The following FMN1 variants were observed in gnomAD, a reference collection of about 807,000 sequenced individuals.
FMN1 encodes formin 1.
A neutral mutation model predicts 132.4 loss-of-function variants in FMN1; 110 were observed. That is an observed-to-expected ratio of 0.83 (90% CI 0.71 to 0.97). FMN1 has a LOEUF of 0.97. Ranked by LOEUF, FMN1 falls within the 50% of genes least tolerant of loss-of-function variation. FMN1 has a pLI of 0.00. For missense variants in FMN1, 1,792 were observed against 1,705.3 expected (o/e 1.05, Z -0.90); for synonymous variants, 722 against 651.7 (o/e 1.11, Z -1.64).
rs1431512435 is a variant in FMN1 at position 33,153,862 on chromosome 15, C to T, written c.1053G>A (p.Lys351=). ...CTGCTGGGCGAATGGCAATCGTCTC[C>T]TTACCCTTAGAATGCGTTTTAACTA... ...QRVVKTHSKG[K]ETIAIRPAAH... The change falls in exon 4 of 21, where the codon AAG becomes AAA. Residue 351 remains lysine (K), a synonymous_variant. Coordinates refer to ENST00000616417, the MANE Select transcript of FMN1 (RefSeq NM_001277313.2). 1 of 1,536,656 alleles carries T rather than the reference C, an allele frequency of 6.5e-7. No homozygotes were observed. The highest frequency in any genetic ancestry group is 8.7e-7 in the Non-Finnish European group (1 of 1,147,066).
chr15:33,048,644 A>AAAAAAAAACAAAAAC lies in FMN1; in HGVS notation c.2161+16312_2161+16313insGTTTTTGTTTTTTTT. ...TGGGCAATTTACCAAAAAAAAAAAA[A>AAAAAAAAACAAAAAC]AAAAACCAACAGTTTAATGGACTTA... On this transcript the variant is annotated intron_variant, in intron 6 of 20. Coordinates refer to ENST00000616417, the MANE Select transcript of FMN1 (RefSeq NM_001277313.2). Among the ~76,000 whole-genome samples, 10 of 86,950 alleles carry AAAAAAAAACAAAAAC rather than the reference A, an allele frequency of 1.2e-4. 1 individual carries two copies. The highest frequency in any genetic ancestry group is 3.1e-4 in the South Asian group (1 of 3,248). The allele number at this position is 86,950 out of a possible 152,430, so 57.0% of individuals were successfully genotyped here.
At position 32,949,940 on chromosome 15, in the gene FMN1, C is replaced by CATATAT. The variant is rs373896522; in HGVS notation, c.3138+14161_3138+14166dup. Among the ~76,000 whole-genome samples, 106 of 31,770 alleles carry CATATAT rather than the reference C, an allele frequency of 3.3e-3. 1 individual carries two copies. Among genetic ancestry groups the CATATAT allele is most frequent in the African/African-American group, 4.1e-3 (46 of 11,124 alleles). 20.8% of individuals were successfully genotyped at this position (31,770 alleles called of 152,430 possible). ...AAAAGACATGCATGAGGCCAAAAAG[C>CATATAT]ATATATATATATATATATATATATA... On this transcript the variant is annotated intron_variant, in intron 9 of 20. Transcript: ENST00000616417.
At chr15:32,823,308 C>T (rs1437363872) in intron 17 of FMN1, among the ~76,000 whole-genome samples, 2 of 151,796 alleles carry the variant, frequency 1.3e-5, no homozygotes, top group African/African-American at 4.8e-5. Flanking sequence ...ACTACAGGCA[C>T]CCACCACCAT....
At chr15:33,162,043 G>A (rs916833085) in intron 3 of FMN1, among the ~76,000 whole-genome samples, 8 of 151,500 alleles carry the variant, frequency 5.3e-5, no homozygotes, top group Non-Finnish European at 1.0e-4. Context: ...ATAGGGTCTC[G>A]CTCTGTCACC....
intron 19 of FMN1, among the ~76,000 whole-genome samples, chr15:32,782,589 G>A (rs59853438): frequency 0.012 from 1,814 of 152,320 alleles, 34 homozygotes; most frequent in African/African-American, 0.041. Flanking sequence ...GAGGTTATGT[G>A]ACTTTGTCCC....
At chr15:33,009,284 C>T (rs916760660) in intron 6 of FMN1, among the ~76,000 whole-genome samples, 3 of 152,272 alleles carry the variant, frequency 2.0e-5, no homozygotes, top group Middle Eastern at 3.4e-3. Flanking sequence ...TGGTAGGGTG[C>T]CTGCTTCTAC....
intron 6 of FMN1, chr15:33,012,072 C>T (rs1452464267): frequency 2.0e-5 from 7 of 349,096 alleles, no homozygotes; most frequent in Non-Finnish European, 3.2e-5. Flanking sequence ...AGCAACCTGT[C>T]AGTGGACAGC....
intron 15 of FMN1, among the ~76,000 whole-genome samples, chr15:32,898,236 C>T (rs934481429): frequency 1.3e-5 from 2 of 152,214 alleles, no homozygotes; most frequent in Non-Finnish European, 2.9e-5. Flanking sequence ...ATATCGATTG[C>T]TATATTTCTT....
intron 6 of FMN1, among the ~76,000 whole-genome samples, chr15:33,040,363 TC>T (rs1348971868): frequency 6.6e-6 from 1 of 152,186 alleles, no homozygotes; most frequent in Non-Finnish European, 1.5e-5. Flanking sequence ...TTGTAAACAT[TC>T]CACCTCTCCC....
Position 33,153,092 on chromosome 15 carries a change from C to T in FMN1, c.1823G>A (p.Gly608Glu), listed in dbSNP as rs1321210517. ...VPGETLEKSL[G>E]PGKTTAEPQH... is the part of the protein sequence containing the mutation. Reference sequence around the variant, plus strand: ...GGGCTCAGCTGTGGTCTTCCCTGGCCCCAAGCTCTTTTCCAAAGTTTCCCC... The same window carrying T: ...GGGCTCAGCTGTGGTCTTCCCTGGCTCCAAGCTCTTTTCCAAAGTTTCCCC... Residue 608 changes from glycine (G) to glutamate (E), a missense_variant, in exon 4 of 21, where the codon GGG becomes GAG. By Grantham distance (98) the Gly-to-Glu change is moderately conservative (BLOSUM62 -2). This residue lies in a region of FMN1 where 1,150 missense variants were observed against 1,043.1 expected (regional missense o/e 1.10). Transcript: ENST00000616417. 6 of 1,535,704 alleles carry T rather than the reference C, an allele frequency of 3.9e-6. No individual in the cohort carries two copies. The highest frequency in any genetic ancestry group is 1.2e-5 in the South Asian group (1 of 83,984).
chr15:32,969,720 T>C (rs1015466222), intron 7 of FMN1, among the ~76,000 whole-genome samples: 2 of 152,218 alleles, frequency 1.3e-5, no homozygotes, highest in African/African-American at 4.8e-5. Flanking sequence ...GAGATAATTT[T>C]CATGGATTAA....
chr15:32,820,958 T>A (rs1473164987), intron 17 of FMN1, among the ~76,000 whole-genome samples: 19 of 152,040 alleles, frequency 1.2e-4, no homozygotes, highest in Admixed American at 1.2e-3. Context: ...TCTCGTCTAC[T>A]CCCAAGGTAA....
intron 7 of FMN1, among the ~76,000 whole-genome samples, chr15:32,982,735 A>C (rs2032777776): frequency 6.6e-6 from 1 of 152,144 alleles, no homozygotes; most frequent in African/African-American, 2.4e-5. Flanking sequence ...CCTCCTGCCC[A>C]GTGGCCTTCG....
At chr15:33,072,152 C>CA (rs2038024039) in intron 5 of FMN1, among the ~76,000 whole-genome samples, 2 of 152,242 alleles carry the variant, frequency 1.3e-5, no homozygotes, top group African/African-American at 4.8e-5. Flanking sequence ...GAAAAATCTA[C>CA]AAAAAATAAT....
intron 7 of FMN1, among the ~76,000 whole-genome samples, chr15:32,985,959 G>A (rs763103490): frequency 1.1e-4 from 16 of 152,040 alleles, no homozygotes; most frequent in Admixed American, 1.3e-4. Context: ...AGGTGTTTTC[G>A]TCCATGTGCA....
At chr15:32,920,241 T>G (rs550983621) in intron 10 of FMN1, among the ~76,000 whole-genome samples, 1 of 152,294 alleles carries the variant, frequency 6.6e-6, no homozygotes, top group Non-Finnish European at 1.5e-5. Context: ...TGCAATCATG[T>G]AGGCAGTCAC....
chr15:32,821,107 C>CTTTTTTTTTTTTTTTTTTTTTT (rs1329682702), intron 17 of FMN1, among the ~76,000 whole-genome samples: 1 of 150,430 alleles, frequency 6.6e-6, no homozygotes, highest in South Asian at 2.1e-4. Flanking sequence ...CACAGATTTT[C>CTTTTTTTTTTTTTTTTTTTTTT]TAAGATACAA....
intron 16 of FMN1, among the ~76,000 whole-genome samples, chr15:32,867,638 C>G (rs865956477): frequency 6.6e-6 from 1 of 152,156 alleles, no homozygotes; most frequent in Non-Finnish European, 1.5e-5. Context: ...CCCTGCCCCC[C>G]GCTCCCTGTG....
intron 7 of FMN1, among the ~76,000 whole-genome samples, chr15:33,002,792 G>C (rs2034193007): frequency 6.6e-6 from 1 of 152,178 alleles, no homozygotes; most frequent in African/African-American, 2.4e-5. Flanking sequence ...AAAACACTGT[G>C]TTTGCCAAAT....
Sources: allele counts gnomAD v4.1 joint callset (sites outside exome capture counted in the v4.1 genomes callset), GRCh38; gene constraint gnomAD v4.1.1; regional missense constraint gnomAD v4.1.1; transcripts MANE v1.5; gene names NCBI Gene and HGNC (gene_info 2026-07-23, HGNC 2026-07-21).